Variants in MCFD2 observed in about 807,000 individuals in gnomAD.
The protein encoded by MCFD2 is multiple coagulation factor deficiency protein 2.
Under a neutral mutation model 12.8 loss-of-function variants are expected in MCFD2, and 11 were observed. The observed-to-expected ratio is 0.86, with a 90% confidence interval of 0.54 to 1.42. The LOEUF (loss-of-function observed/expected upper bound fraction) is 1.42, where lower values mean the gene tolerates loss of function less well. MCFD2 is among the 40% of genes most tolerant of loss of function. MCFD2 has a pLI of 0.00. For missense variants in MCFD2, 191 were observed against 178.6 expected (o/e 1.07, Z -0.40); for synonymous variants, 70 against 68.1 (o/e 1.03, Z -0.14).
intron 1 of MCFD2, among the ~76,000 whole-genome samples, chr2:46,933,912 G>A (rs1669836361): frequency 6.6e-6 from 1 of 152,292 alleles, no homozygotes; most frequent in Non-Finnish European, 1.5e-5. Flanking sequence ...CACATGGTAA[G>A]TATGAAAGAA....
chr2:46,907,997 A>C lies in MCFD2; in HGVS notation c.150-28T>G. ...AAAAATCAACAGTCAGGTTCAGGCC[A>C]ATTGACAGATACTGGGATCATGCTG... On this transcript the variant is annotated intron_variant, in intron 2 of 3. Coordinates refer to ENST00000319466, the MANE Select transcript of MCFD2 (RefSeq NM_139279.6). This position sits in a 1 kb window ranked among gnomAD's most constrained non-coding sequence, Gnocchi z 4.1. The C allele has an allele frequency of 6.2e-7, 1 of 1,613,314 alleles. No homozygotes were observed. Among genetic ancestry groups the C allele is most frequent in the Non-Finnish European group, 8.5e-7 (1 of 1,179,708 alleles).
chr2:46,929,666 TATCTTAAAA>T (rs1669591420), intron 1 of MCFD2, among the ~76,000 whole-genome samples: 1 of 152,202 alleles, frequency 6.6e-6, no homozygotes, highest in Non-Finnish European at 1.5e-5. Flanking sequence ...TAAATGCATG[TATCTTAAAA>T]ATAAGAAAGA....
Position 46,940,299 on chromosome 2 carries a change from C to A in MCFD2, c.-8+1273G>T, listed in dbSNP as rs1394732734. The stretch of plus-strand genomic sequence containing the variant: ...CTGACCCTGCTGTCTTTTGAGTCTT[C>A]AGTCTGGACCATACAATGTGTCACT... On this transcript the variant is annotated intron_variant, in intron 1 of 2. Coordinates refer to the MCFD2 transcript ENST00000409147. The surrounding 1 kb of genome is among the most constrained non-coding windows in gnomAD (Gnocchi z 4.7). Among the ~76,000 whole-genome samples, 1 of 152,214 alleles carries A rather than the reference C, an allele frequency of 6.6e-6. No individual in the cohort carries two copies.
At chr2:46,914,421 G>A (rs71423927) in intron 1 of MCFD2, among the ~76,000 whole-genome samples, 6,684 of 152,256 alleles carry the variant, frequency 0.044, 186 homozygotes, top group Middle Eastern at 0.088. Flanking sequence ...ACTTACCCCT[G>A]TCATGGTCCT....
At position 46,907,626 on chromosome 2, in the gene MCFD2, G is replaced by A. The variant is rs966552807; in HGVS notation, c.309+184C>T. The stretch of plus-strand genomic sequence containing the variant: ...TTGCCAAGGCTGGTCTTGAACTCCT[G>A]GCTCAAGTGATCCTTCCACTTTGGC... On this transcript the variant is annotated intron_variant, in intron 3 of 3. Coordinates refer to ENST00000319466, the MANE Select transcript of MCFD2 (RefSeq NM_139279.6). The surrounding 1 kb of genome is among the most constrained non-coding windows in gnomAD (Gnocchi z 4.1). 3.0e-6 allele frequency: 2 copies of A among 661,222 alleles called. No individual in the cohort carries two copies. Among genetic ancestry groups the A allele is most frequent in the African/African-American group, 1.8e-5 (1 of 55,954 alleles). 41.0% of individuals were successfully genotyped at this position (661,222 alleles called of 1,614,324 possible). A position where few individuals can be genotyped will look rare whatever the true frequency, so the allele number is the denominator to read the frequency against.
At chr2:46,932,604 A>G (rs1558480943) in intron 1 of MCFD2, among the ~76,000 whole-genome samples, 1 of 152,168 alleles carries the variant, frequency 6.6e-6, no homozygotes, top group Non-Finnish European at 1.5e-5. Flanking sequence ...AAAGATTAAT[A>G]TAGAAGCAGG....
rs1285615297 is a variant in MCFD2, at chr2:46,903,049, A to G, written c.*2414T>C. ...CCCCACAAATCTCAACTTGAATTGT[A>G]TCTCCCAGAATTCCCACGTGTTGTG... On this transcript the variant is annotated 3_prime_UTR_variant, in exon 4 of 4. Coordinates refer to ENST00000319466, the MANE Select transcript of MCFD2 (RefSeq NM_139279.6). The G allele has an allele frequency of 2.0e-5, 3 of 152,228 alleles. No individual in the cohort carries two copies. The highest frequency in any genetic ancestry group is 4.8e-5 in the African/African-American group (2 of 41,452). The allele number at this position is 152,228 out of a possible 1,614,324, so 9.4% of individuals were successfully genotyped here.
In MCFD2 at chr2:46,905,333, C is replaced by G. The variant is rs775740460; in HGVS notation, c.*130G>C. 2.1e-6 allele frequency: 2 copies of G among 974,680 alleles called. No individual in the cohort carries two copies. The highest frequency in any genetic ancestry group is 3.3e-6 in the Non-Finnish European group (2 of 608,572). The allele number at this position is 974,680 out of a possible 1,614,324, so 60.4% of individuals were successfully genotyped here. On this transcript the variant is annotated 3_prime_UTR_variant, in exon 4 of 4. Coordinates refer to ENST00000319466, the MANE Select transcript of MCFD2 (RefSeq NM_139279.6). ...CTTATCTCTTCTCACCCCAGTGTAA[C>G]GAATCGCTACAGGTTTTTACCAAAA... is the stretch of plus-strand genomic sequence containing the variant.
chr2:46,929,400 C>T (rs544992285), intron 1 of MCFD2, among the ~76,000 whole-genome samples: 1 of 152,096 alleles, frequency 6.6e-6, no homozygotes, highest in African/African-American at 2.4e-5. Context: ...GGCAGGATTG[C>T]TTGAGCCCAG....
rs370869565 is a variant in MCFD2, at chr2:46,927,518, G to A, written c.-8+14054C>T. Reference sequence around the variant, plus strand: ...ACTACAGGCATCCGCCACCACGCCCGGCTAATTTTGTTTTTGTGTTTTTAG... The same window carrying A: ...ACTACAGGCATCCGCCACCACGCCCAGCTAATTTTGTTTTTGTGTTTTTAG... On this transcript the variant is annotated intron_variant, in intron 1 of 2. Transcript: ENST00000409147. Among the ~76,000 whole-genome samples the A allele has an allele frequency of 5.4e-4, 82 of 151,846 alleles. No individual in the cohort carries two copies. The East Asian group carries it at 0.012, about 22-fold the overall frequency.
chr2:46,915,786 A>C lies in MCFD2; in HGVS notation c.-70T>G, dbSNP rs1432160382. 7 of 943,904 alleles carry C rather than the reference A, an allele frequency of 7.4e-6. No homozygotes were observed. The highest frequency in any genetic ancestry group is 2.7e-4 in the East Asian group (2 of 7,384). The allele number at this position is 943,904 out of a possible 1,614,324, so 58.5% of individuals were successfully genotyped here. A position where few individuals can be genotyped will look rare whatever the true frequency, so the allele number is the denominator to read the frequency against. On this transcript the variant is annotated 5_prime_UTR_variant, in exon 1 of 4. Transcript: ENST00000319466. ...TGAGCCTCACCAGCCCCCGTCCCCA[A>C]AACGCTCTTCCTCGGCTTCGCCCCG...
chr2:46,931,922 T>G (rs1346431499), intron 1 of MCFD2, among the ~76,000 whole-genome samples: 1 of 152,152 alleles, frequency 6.6e-6, no homozygotes, highest in East Asian at 1.9e-4. Flanking sequence ...TACAACTAAG[T>G]TGATTCCAGA....
At position 46,937,568 on chromosome 2, in the gene MCFD2, A is replaced by G. The variant is rs1477123838; in HGVS notation, c.-8+4004T>C. 1.3e-5 allele frequency among the ~76,000 whole-genome samples: 2 copies of G among 152,216 alleles called. No individual in the cohort carries two copies. Among genetic ancestry groups the G allele is most frequent in the African/African-American group, 4.8e-5 (2 of 41,448 alleles). ...AGGGGCCTCAGAAGCAAAACATTGG[A>G]TGAAAAAGTCAGAATGGAAAACCCC... On this transcript the variant is annotated intron_variant, in intron 1 of 2. Transcript: ENST00000409147. This position sits in a 1 kb window ranked among gnomAD's most constrained non-coding sequence, Gnocchi z 4.0.
In MCFD2 at chr2:46,940,881, CA is replaced by C. The variant is rs1670272814; in HGVS notation, c.-8+690del. On this transcript the variant is annotated intron_variant, in intron 1 of 2. Coordinates refer to the MCFD2 transcript ENST00000409147. The surrounding 1 kb of genome is among the most constrained non-coding windows in gnomAD (Gnocchi z 4.7). ...GCCTCTCCCCATTTTTGTGACGTGT[CA>C]GGGGCAGCAGCGGTGACGGGGCCAC... is the stretch of plus-strand genomic sequence containing the variant. 2.6e-5 allele frequency among the ~76,000 whole-genome samples: 4 copies of C among 152,230 alleles called. No homozygotes were observed. The highest frequency in any genetic ancestry group is 2.1e-4 in the South Asian group (1 of 4,830).
intron 1 of MCFD2, among the ~76,000 whole-genome samples, chr2:46,931,944 G>T (rs780144783): frequency 6.6e-6 from 1 of 152,040 alleles, no homozygotes; most frequent in Non-Finnish European, 1.5e-5. Flanking sequence ...ATGTGAGGAC[G>T]GTTTAACCTT....
chr2:46,930,657 G>A (rs541674039), intron 1 of MCFD2, among the ~76,000 whole-genome samples: 7 of 151,984 alleles, frequency 4.6e-5, no homozygotes, highest in African/African-American at 9.7e-5. Flanking sequence ...CTGCAACCAC[G>A]TGCAGCTAAT....
In MCFD2 at chr2:46,908,117, C is replaced by A; in HGVS notation, c.150-148G>T. 1.2e-6 allele frequency: 1 copy of A among 819,410 alleles called. No homozygotes were observed. Among genetic ancestry groups the A allele is most frequent in the South Asian group, 1.5e-5 (1 of 68,656 alleles). 50.8% of individuals were successfully genotyped at this position (819,410 alleles called of 1,614,324 possible). A position where few individuals can be genotyped will look rare whatever the true frequency, so the allele number is the denominator to read the frequency against. ...TGGCAGACCACACTCAAGGATTACA[C>A]AGAGATAGACAAGGCCTTGAGAGGA... On this transcript the variant is annotated intron_variant, in intron 2 of 3. Coordinates refer to ENST00000319466, the MANE Select transcript of MCFD2 (RefSeq NM_139279.6). This position sits in a 1 kb window ranked among gnomAD's most constrained non-coding sequence, Gnocchi z 4.5.
chr2:46,934,003 C>T (rs980305824), intron 1 of MCFD2, among the ~76,000 whole-genome samples: 2 of 152,062 alleles, frequency 1.3e-5, no homozygotes, highest in African/African-American at 4.8e-5. Context: ...TTGGTGACCT[C>T]CAGCCCAACT....
chr2:46,932,248 C>G (rs528512797), intron 1 of MCFD2, among the ~76,000 whole-genome samples: 1 of 151,788 alleles, frequency 6.6e-6, no homozygotes, highest in Admixed American at 6.6e-5. Flanking sequence ...CTCCTCGGTT[C>G]AAGCAATTCC....
Sources: allele counts gnomAD v4.1 joint callset (sites outside exome capture counted in the v4.1 genomes callset), GRCh38; gene constraint gnomAD v4.1.1; non-coding constraint Gnocchi (gnomAD v3.1); transcripts MANE v1.5; gene names NCBI Gene and HGNC (gene_info 2026-07-23, HGNC 2026-07-21).